ZNF808: variants seen among roughly 807,000 people sequenced by gnomAD.
The protein encoded by ZNF808 is zinc finger protein 808.
A neutral mutation model predicts 8.7 loss-of-function variants in ZNF808; 5 were observed. The ratio of observed to expected loss-of-function variants is 0.58; its 90% confidence interval spans 0.30 to 1.21. The LOEUF (loss-of-function observed/expected upper bound fraction) is 1.21, where lower values mean the gene tolerates loss of function less well. Among genes scored for constraint, ZNF808 ranks in the 50% most tolerant of loss-of-function variants. ZNF808 has a pLI of 0.07. For missense variants in ZNF808, 1,103 were observed against 1,098.4 expected (o/e 1.00, Z -0.06); for synonymous variants, 380 against 366.0 (o/e 1.04, Z -0.44).
downstream of ZNF808, among the ~76,000 whole-genome samples, chr19:52,568,548 CCAT>C (rs1445044969): frequency 6.6e-6 from 1 of 152,118 alleles, no homozygotes; most frequent in African/African-American, 2.4e-5. Flanking sequence ...GTGTATCACT[CCAT>C]CACCAGTCAA....
At position 52,556,023 on chromosome 19, in the gene ZNF808, C is replaced by A; in HGVS notation, c.*395C>A. 1 of 548,010 alleles carries A rather than the reference C, an allele frequency of 1.8e-6. No individual in the cohort carries two copies. The highest frequency in any genetic ancestry group is 1.5e-5 in the South Asian group (1 of 66,698). The allele number at this position is 548,010 out of a possible 1,614,324, so 33.9% of individuals were successfully genotyped here. Reference sequence around the variant, plus strand: ...ACTCCTTGCAGAACATGAGAAAATTCATTTTTGAGATAACTGTTCCCAATG... The same window carrying A: ...ACTCCTTGCAGAACATGAGAAAATTAATTTTTGAGATAACTGTTCCCAATG... On this transcript the variant is annotated 3_prime_UTR_variant, in exon 5 of 5. Transcript: ENST00000359798.
At chr19:52,558,044 T>TTTTTTTG (rs1600048432), downstream of ZNF808, among the ~76,000 whole-genome samples, 6 of 138,596 alleles carry the variant, frequency 4.3e-5, no homozygotes, top group Admixed American at 7.3e-5. Flanking sequence ...TTTTTTTTTT[T>TTTTTTTG]GAGGGTAGGA....
intron 4 of ZNF808, among the ~76,000 whole-genome samples, chr19:52,550,323 T>C (rs2059764545): frequency 6.6e-6 from 1 of 151,708 alleles, no homozygotes; most frequent in Non-Finnish European, 1.5e-5. Context: ...CTCCACCTCC[T>C]GGATTTAAGC....
Position 52,555,729 on chromosome 19 carries a change from T to C in ZNF808, c.*101T>C. On this transcript the variant is annotated 3_prime_UTR_variant, in exon 5 of 5. Coordinates refer to ENST00000359798, the MANE Select transcript of ZNF808 (RefSeq NM_001039886.4). ...TCTTCTGAGTGTAATAAATGTGGCATGTTTTTCAGACATTGTTCATACATT... is the reference window on the plus strand; with the variant it reads ...TCTTCTGAGTGTAATAAATGTGGCACGTTTTTCAGACATTGTTCATACATT... 6.7e-7 allele frequency: 1 copy of C among 1,493,130 alleles called. No individual in the cohort carries two copies. 92.5% of individuals were successfully genotyped at this position (1,493,130 alleles called of 1,614,324 possible).
At chr19:52,536,908 C>T (rs1408500714) in intron 2 of ZNF808, among the ~76,000 whole-genome samples, 1 of 152,064 alleles carries the variant, frequency 6.6e-6, no homozygotes, top group Non-Finnish European at 1.5e-5. Flanking sequence ...AAATAAGGAC[C>T]GGGCGCTTTG....
At chr19:52,545,072 T>C (rs1370440808) in intron 3 of ZNF808, among the ~76,000 whole-genome samples, 1 of 152,230 alleles carries the variant, frequency 6.6e-6, no homozygotes, top group Non-Finnish European at 1.5e-5. Context: ...CCTGAGCCAC[T>C]GCACTTGGCT....
At position 52,555,543 on chromosome 19, in the gene ZNF808, A is replaced by C; in HGVS notation, c.2627A>C (p.Lys876Thr). Reference sequence around the variant, plus strand: ...ATTCATACTGGAGAGAAACCTTACAAGTGTAATGAGTGTGGCAAAGCCTTT... The same window carrying C: ...ATTCATACTGGAGAGAAACCTTACACGTGTAATGAGTGTGGCAAAGCCTTT... ...RIIHTGEKPY[K>T]CNECGKAFSD... Residue 876 changes from lysine (K) to threonine (T), a missense_variant, in exon 5 of 5, where the codon AAG (lysine) becomes ACG (threonine). Coordinates refer to ENST00000359798, the MANE Select transcript of ZNF808 (RefSeq NM_001039886.4). 1 of 1,614,058 alleles carries C rather than the reference A, an allele frequency of 6.2e-7. No individual in the cohort carries two copies. Among genetic ancestry groups the C allele is most frequent in the Non-Finnish European group, 8.5e-7 (1 of 1,180,018 alleles).
At chr19:52,557,919 C>A (rs2059843434), downstream of ZNF808, among the ~76,000 whole-genome samples, 1 of 151,526 alleles carries the variant, frequency 6.6e-6, no homozygotes, top group African/African-American at 2.4e-5. Flanking sequence ...GTGAGCCTCC[C>A]TGCAACTTGG....
In ZNF808 at chr19:52,553,486, T is replaced by G. The variant is rs746855216; in HGVS notation, c.570T>G (p.Val190=). 2.5e-6 allele frequency: 4 copies of G among 1,614,168 alleles called. No homozygotes were observed. The East Asian group carries it at 8.9e-5, about 36-fold the overall frequency. The change falls in exon 5 of 5, where the codon GTT becomes GTG. Residue 190 remains valine, a synonymous_variant. Coordinates refer to ENST00000359798, the MANE Select transcript of ZNF808 (RefSeq NM_001039886.4). ...LEKSTSDASS[V]STSQRISCRP... The stretch of plus-strand genomic sequence containing the variant: ...AGTCTACCAGTGATGCTTCCTCAGT[T>G]TCAACATCCCAAAGAATTTCCTGTA...
At chr19:52,533,750 G>A (rs1207713973) in intron 2 of ZNF808, among the ~76,000 whole-genome samples, 3 of 142,966 alleles carry the variant, frequency 2.1e-5, no homozygotes, top group African/African-American at 7.7e-5. Flanking sequence ...CAGCTACTCA[G>A]GAAAATTGTT....
At chr19:52,549,966 C>T (rs577954424) in intron 4 of ZNF808, among the ~76,000 whole-genome samples, 41 of 152,270 alleles carry the variant, frequency 2.7e-4, no homozygotes, top group African/African-American at 8.2e-4. Flanking sequence ...CTGTCAGCAG[C>T]GCAGCTCAGC....
chr19:52,565,732 C>CA (rs2059871585), downstream of ZNF808, among the ~76,000 whole-genome samples: 1 of 152,160 alleles, frequency 6.6e-6, no homozygotes, highest in African/African-American at 2.4e-5. Flanking sequence ...ATCAAAGACT[C>CA]AAACAATGTG....
At chr19:52,548,456 T>A (rs1454890116) in intron 4 of ZNF808, among the ~76,000 whole-genome samples, 7 of 152,186 alleles carry the variant, frequency 4.6e-5, no homozygotes, top group Non-Finnish European at 1.0e-4. Flanking sequence ...ATAGTCTTGC[T>A]CTGTTGCCCA....
intron 4 of ZNF808, among the ~76,000 whole-genome samples, chr19:52,549,995 C>T (rs563812230): frequency 6.8e-4 from 104 of 152,008 alleles, no homozygotes; most frequent in Non-Finnish European, 8.8e-4. Context: ...CCCAGCTCAG[C>T]CTTTGTATCC....
chr19:52,567,841 A>C (rs1013066965), downstream of ZNF808, among the ~76,000 whole-genome samples: 1 of 152,112 alleles, frequency 6.6e-6, no homozygotes, highest in Non-Finnish European at 1.5e-5. Context: ...AGAATATTTT[A>C]GAAAGTAATT....
chr19:52,543,544 C>G (rs1450637164), intron 3 of ZNF808, among the ~76,000 whole-genome samples, 197 bp downstream of exon 3: 1 of 152,158 alleles, frequency 6.6e-6, no homozygotes, highest in Non-Finnish European at 1.5e-5. Context: ...TCTCCTGTGA[C>G]CCAGTGACAT....
At chr19:52,552,217 C>T (rs963286021) in intron 4 of ZNF808, among the ~76,000 whole-genome samples, 1 of 151,766 alleles carries the variant, frequency 6.6e-6, no homozygotes, top group Non-Finnish European at 1.5e-5. Flanking sequence ...CAGAGTTTCA[C>T]CGTGTTATCC....
chr19:52,541,778 G>A (rs530229838), intron 2 of ZNF808, among the ~76,000 whole-genome samples: 3 of 151,670 alleles, frequency 2.0e-5, no homozygotes, highest in African/African-American at 7.3e-5. Flanking sequence ...CCACTTACAC[G>A]ACTCCATGTC....
At chr19:52,549,400 A>G (rs1737572234) in intron 4 of ZNF808, among the ~76,000 whole-genome samples, 1 of 152,154 alleles carries the variant, frequency 6.6e-6, no homozygotes, top group African/African-American at 2.4e-5. Context: ...TCTGGTATCT[A>G]CACAGGGGAT....
Sources: allele counts gnomAD v4.1 joint callset (sites outside exome capture counted in the v4.1 genomes callset), GRCh38; gene constraint gnomAD v4.1.1; transcripts MANE v1.5; gene names NCBI Gene and HGNC (gene_info 2026-07-23, HGNC 2026-07-21).